SLC35F3: variants seen among roughly 807,000 people sequenced by gnomAD.
SLC35F3 encodes the protein solute carrier family 35 member F3, also known as putative thiamine transporter SLC35F3.
SLC35F3 carries 25 observed loss-of-function variants against 49.9 expected under a neutral mutation model. The observed-to-expected ratio is 0.50, with a 90% CI of 0.37 to 0.70. The LOEUF is 0.70. Among genes scored for constraint, SLC35F3 ranks in the 30% least tolerant of loss-of-function variants. The probability of loss-of-function intolerance (pLI) is 0.00; values close to 1 mark genes in which losing one functional copy is unlikely to be tolerated. For missense variants in SLC35F3, 525 were observed against 639.8 expected (o/e 0.82, Z 1.94); for synonymous variants, 275 against 265.4 (o/e 1.04, Z -0.35).
At chr1:234,110,616 G>A (rs1050659185) in intron 2 of SLC35F3, among the ~76,000 whole-genome samples, 14 of 152,198 alleles carry the variant, frequency 9.2e-5, no homozygotes, top group Admixed American at 2.6e-4. Flanking sequence ...GTAAGCAAAA[G>A]AATGCAAAAC....
At chr1:234,184,249 C>T (rs540831991) in intron 2 of SLC35F3, among the ~76,000 whole-genome samples, 11 of 152,082 alleles carry the variant, frequency 7.2e-5, no homozygotes, top group South Asian at 4.2e-4. Flanking sequence ...GCTTACATTG[C>T]GACTTTTCTT....
chr1:233,934,169 A>G (rs896077766), intron 2 of SLC35F3, among the ~76,000 whole-genome samples: 1 of 152,222 alleles, frequency 6.6e-6, no homozygotes. Flanking sequence ...TATTCAGGCT[A>G]TGAACCGGAT....
At position 234,117,892 on chromosome 1, in the gene SLC35F3, G is replaced by GA. The variant is rs1230601740; in HGVS notation, c.284-113514dup. On this transcript the variant is annotated intron_variant, in intron 2 of 7. Coordinates refer to ENST00000366618, the MANE Select transcript of SLC35F3 (RefSeq NM_173508.4). ...CAGAGTGAGACTCTGTCTCAAAAAA[G>GA]AAAAAAAAAAAGACTATATATGTGT... 4.5e-4 allele frequency among the ~76,000 whole-genome samples: 42 copies of GA among 94,172 alleles called. 1 individual carries two copies. The highest frequency in any genetic ancestry group is 9.1e-4 in the South Asian group (2 of 2,196). The allele number at this position is 94,172 out of a possible 152,430, so 61.8% of individuals were successfully genotyped here.
chr1:233,963,667 T>C (rs1571999663), intron 2 of SLC35F3, among the ~76,000 whole-genome samples: 1 of 152,058 alleles, frequency 6.6e-6, no homozygotes, highest in African/African-American at 2.4e-5. Context: ...GTGCCAGGGG[T>C]GAGGGCAGAG....
At chr1:234,317,852 A>G (rs1170752923) in intron 5 of SLC35F3, among the ~76,000 whole-genome samples, 1 of 152,248 alleles carries the variant, frequency 6.6e-6, no homozygotes, top group Non-Finnish European at 1.5e-5. Flanking sequence ...AGCAAAAAAC[A>G]GGGAGAAACA....
intron 2 of SLC35F3, among the ~76,000 whole-genome samples, chr1:233,946,167 A>C (rs1246640998): frequency 6.6e-6 from 1 of 152,242 alleles, no homozygotes; most frequent in Non-Finnish European, 1.5e-5. Flanking sequence ...CCAGTGCGGA[A>C]AAGAGTGCTG....
intron 2 of SLC35F3, among the ~76,000 whole-genome samples, chr1:234,031,509 C>T (rs1664061949): frequency 6.6e-6 from 1 of 152,148 alleles, no homozygotes; most frequent in Admixed American, 6.6e-5. Flanking sequence ...CTGCTCTATC[C>T]AAGATAATCC....
At chr1:234,314,035 G>A (rs774353019) in intron 4 of SLC35F3, among the ~76,000 whole-genome samples, 8 of 152,182 alleles carry the variant, frequency 5.3e-5, no homozygotes, top group South Asian at 2.1e-4. Context: ...ACATGGGTCC[G>A]GTCATAGCAG....
chr1:233,905,851 A>G, intron 2 of SLC35F3, 93 bp downstream of exon 2: 2 of 1,190,178 alleles, frequency 1.7e-6, no homozygotes, highest in Non-Finnish European at 2.4e-6. Flanking sequence ...TGAGGCGTCC[A>G]GCCACCCCCT....
intron 3 of SLC35F3, among the ~76,000 whole-genome samples, chr1:234,232,888 A>C (rs1667407577): frequency 6.6e-6 from 1 of 152,174 alleles, no homozygotes; most frequent in Non-Finnish European, 1.5e-5. Flanking sequence ...CGGGTGTGAT[A>C]CTTTTTTAAT....
chr1:234,323,126 C>G lies in SLC35F3; in HGVS notation c.1356C>G (p.Ile452Met). Residue 452 changes from isoleucine (I) to methionine (M), a missense_variant, in exon 8 of 8, where the codon ATC becomes ATG. By Grantham distance (10) the Ile-to-Met change is conservative. Around this residue, in one of 4 missense-constraint regions of SLC35F3, gnomAD observed 76 missense variants for 95.6 expected, o/e 0.80. Coordinates refer to ENST00000366618, the MANE Select transcript of SLC35F3 (RefSeq NM_173508.4). This position sits in a 1 kb window ranked among gnomAD's most constrained non-coding sequence, Gnocchi z 4.5. ...LLPEEWDVWL[I>M]KLLTRLKVRK... ...CAGAGGAGTGGGATGTCTGGTTGAT[C>G]AAGCTGCTCACCCGACTCAAAGTGA... The G allele has an allele frequency of 4.3e-6, 7 of 1,614,114 alleles. No individual in the cohort carries two copies. Among genetic ancestry groups the G allele is most frequent in the Non-Finnish European group, 5.9e-6 (7 of 1,180,032 alleles).
intron 2 of SLC35F3, among the ~76,000 whole-genome samples, chr1:234,099,619 A>C (rs1317326782): frequency 1.3e-5 from 2 of 150,272 alleles, no homozygotes; most frequent in Non-Finnish European, 2.9e-5. Flanking sequence ...AAAAAAAAAA[A>C]AAAAAAAACA....
In SLC35F3 at chr1:234,188,787, C is replaced by A. The variant is rs149653990; in HGVS notation, c.284-42630C>A. On this transcript the variant is annotated intron_variant, in intron 2 of 7. Transcript: ENST00000366618. ...AACAATAATATAATTAAGGACCCTCCCAGAGTCCATTTCACTCCCCTGCCA... is the reference window on the plus strand; with the variant it reads ...AACAATAATATAATTAAGGACCCTCACAGAGTCCATTTCACTCCCCTGCCA... Among the ~76,000 whole-genome samples, 984 of 152,194 alleles carry A rather than the reference C, an allele frequency of 6.5e-3. 8 individuals carry two copies. Among genetic ancestry groups the A allele is most frequent in the South Asian group, 0.04 (192 of 4,812 alleles).
At chr1:234,182,304 T>C (rs1174061689) in intron 2 of SLC35F3, among the ~76,000 whole-genome samples, 1 of 152,204 alleles carries the variant, frequency 6.6e-6, no homozygotes, top group Non-Finnish European at 1.5e-5. Flanking sequence ...GATTGATTGA[T>C]TGATTGATCT....
intron 2 of SLC35F3, among the ~76,000 whole-genome samples, chr1:233,911,039 G>T (rs1243743365): frequency 6.6e-6 from 1 of 152,122 alleles, no homozygotes; most frequent in East Asian, 1.9e-4. Flanking sequence ...GTAGGGCACT[G>T]AATAACACAC....
intron 2 of SLC35F3, among the ~76,000 whole-genome samples, chr1:234,013,277 T>C (rs994108489): frequency 7.2e-5 from 11 of 152,106 alleles, no homozygotes; most frequent in African/African-American, 2.7e-4. Context: ...TTTAAAATTT[T>C]TGAGACAAAT....
chr1:233,913,974 G>T (rs897879082), intron 2 of SLC35F3, among the ~76,000 whole-genome samples: 1 of 152,302 alleles, frequency 6.6e-6, no homozygotes, highest in Admixed American at 6.5e-5. Flanking sequence ...AAGGTTAAAG[G>T]ATTAGGGGAG....
intron 2 of SLC35F3, among the ~76,000 whole-genome samples, chr1:234,125,547 A>C (rs971603548): frequency 2.0e-5 from 3 of 152,082 alleles, no homozygotes; most frequent in African/African-American, 7.2e-5. Context: ...AGGCAGGGCC[A>C]GCTAATGTTT....
intron 2 of SLC35F3, among the ~76,000 whole-genome samples, chr1:233,988,707 T>G (rs1241112658): frequency 6.6e-6 from 1 of 152,244 alleles, no homozygotes; most frequent in Non-Finnish European, 1.5e-5. Context: ...CTCTGTCTCT[T>G]ATAACTTTTT....
Sources: gnomAD v4.1 joint callset for allele counts (sites outside exome capture counted in the v4.1 genomes callset) on GRCh38, gnomAD v4.1.1 for gene constraint, gnomAD v4.1.1 regional missense constraint, Gnocchi (gnomAD v3.1) non-coding constraint, MANE v1.5 for transcripts, NCBI Gene and HGNC (gene_info 2026-07-23, HGNC 2026-07-21) for gene names.